C8orf34: variants seen among roughly 807,000 people sequenced by gnomAD.
C8orf34 encodes the protein uncharacterized protein C8orf34.
A neutral mutation model predicts 68.3 loss-of-function variants in C8orf34; 65 were observed. The observed-to-expected ratio is 0.95, with a 90% CI of 0.78 to 1.17. The LOEUF (loss-of-function observed/expected upper bound fraction) is 1.17. Among genes scored for constraint, C8orf34 ranks in the 50% most tolerant of loss-of-function variants. The pLI is 0.00. For missense variants in C8orf34, 664 were observed against 655.4 expected, an observed-to-expected ratio of 1.01 and a Z score of -0.14; for synonymous variants, 244 against 241.2, an observed-to-expected ratio of 1.01 and a Z score of -0.11.
chr8:68,367,747 G>A (rs1296446969), intron 1 of C8orf34, among the ~76,000 whole-genome samples: 14 of 130,094 alleles, frequency 1.1e-4, no homozygotes, highest in African/African-American at 3.7e-4. Flanking sequence ...TGGGGACTGT[G>A]GTGGGGTGGG....
At chr8:68,460,290 G>A (rs1029611895) in intron 3 of C8orf34, among the ~76,000 whole-genome samples, 1 of 152,250 alleles carries the variant, frequency 6.6e-6, no homozygotes, top group South Asian at 2.1e-4. Flanking sequence ...CAGCCAGGAA[G>A]CTCGAACTGC....
intron 10 of C8orf34, among the ~76,000 whole-genome samples, chr8:68,764,795 G>A (rs1001048442): frequency 1.3e-5 from 2 of 152,096 alleles, no homozygotes; most frequent in South Asian, 4.1e-4. Flanking sequence ...TAAGGATGCC[G>A]TCTTACTCCC....
intron 5 of C8orf34, among the ~76,000 whole-genome samples, chr8:68,508,439 A>T (rs1814117580): frequency 6.6e-6 from 1 of 152,202 alleles, no homozygotes. Context: ...GGCTTTTATT[A>T]GTCAACACTC....
chr8:68,749,153 C>T (rs1439767956), intron 10 of C8orf34, among the ~76,000 whole-genome samples: 16 of 151,500 alleles, frequency 1.1e-4, no homozygotes, highest in South Asian at 2.1e-4. Context: ...AACCAAACAC[C>T]GCATATTCTC....
chr8:68,481,326 C>T (rs1392055703), intron 4 of C8orf34, among the ~76,000 whole-genome samples: 3 of 143,974 alleles, frequency 2.1e-5, no homozygotes, highest in Non-Finnish European at 4.5e-5. Flanking sequence ...GCAAAGATTG[C>T]TTCCATGGCG....
intron 8 of C8orf34, among the ~76,000 whole-genome samples, chr8:68,692,360 T>A (rs1237523152): frequency 1.3e-5 from 2 of 152,042 alleles, no homozygotes; most frequent in Admixed American, 6.6e-5. Context: ...AATAATAAGT[T>A]TTTTGTAATA....
At chr8:68,444,307 C>T (rs918700049) in intron 2 of C8orf34, among the ~76,000 whole-genome samples, 2 of 152,052 alleles carry the variant, frequency 1.3e-5, no homozygotes, top group Non-Finnish European at 2.9e-5. Flanking sequence ...TATCTCCTCT[C>T]TAATTTCTTT....
In C8orf34 at chr8:68,620,664, CA is replaced by C. The variant is rs34609291; in HGVS notation, c.1106-19700del. On this transcript the variant is annotated intron_variant, in intron 7 of 13. Coordinates refer to ENST00000518698, the MANE Select transcript of C8orf34 (RefSeq NM_052958.4). ...AACCTAAATTCAACTATATCTGTGT[CA>C]AAAAAAAAAAAGACTAAGTTTACTG... Among the ~76,000 whole-genome samples the C allele has an allele frequency of 6.5e-3, 829 of 128,202 alleles. 3 individuals are homozygous for C. Among genetic ancestry groups the C allele is most frequent in the African/African-American group, 0.021 (669 of 32,358 alleles). 84.1% of individuals were successfully genotyped at this position (128,202 alleles called of 152,430 possible). A position where few individuals can be genotyped will look rare whatever the true frequency, so the allele number is the denominator to read the frequency against.
At chr8:68,464,468 C>T (rs1812010435) in intron 3 of C8orf34, among the ~76,000 whole-genome samples, 1 of 151,526 alleles carries the variant, frequency 6.6e-6, no homozygotes, top group Non-Finnish European at 1.5e-5. Flanking sequence ...TCATATGGAA[C>T]CAAAAAAGAG....
At chr8:68,469,574 C>T (rs1402901667) in intron 4 of C8orf34, among the ~76,000 whole-genome samples, 1 of 151,994 alleles carries the variant, frequency 6.6e-6, no homozygotes, top group Non-Finnish European at 1.5e-5. Flanking sequence ...CATACGTATA[C>T]ACTATATGGT....
At chr8:68,521,714 C>A in intron 5 of C8orf34, 85 bp from the exon 6 acceptor site, 1 of 1,256,350 alleles carries the variant, frequency 8.0e-7, no homozygotes, top group South Asian at 1.6e-5. Context: ...ATTTGACAGT[C>A]AAATATCTAG....
At chr8:68,765,614 G>C (rs1463533046) in intron 10 of C8orf34, among the ~76,000 whole-genome samples, 1 of 152,080 alleles carries the variant, frequency 6.6e-6, no homozygotes. Flanking sequence ...CTTTTTCTTA[G>C]ACGATTGGTT....
At chr8:68,672,483 GA>G (rs1563599767) in intron 8 of C8orf34, among the ~76,000 whole-genome samples, 1 of 152,122 alleles carries the variant, frequency 6.6e-6, no homozygotes, top group Non-Finnish European at 1.5e-5. Flanking sequence ...GAGATTTTGG[GA>G]CTTTGCATTG....
intron 3 of C8orf34, among the ~76,000 whole-genome samples, chr8:68,452,190 G>A (rs771193147): frequency 6.0e-5 from 9 of 151,202 alleles, no homozygotes; most frequent in Non-Finnish European, 1.3e-4. Flanking sequence ...TCATATACAA[G>A]CATTTTTATT....
chr8:68,496,901 C>A (rs149380378), intron 5 of C8orf34, among the ~76,000 whole-genome samples: 2,049 of 152,138 alleles, frequency 0.013, 28 homozygotes, highest in Non-Finnish European at 0.021. Flanking sequence ...ATATTTTGGG[C>A]AGTAGGAAAA....
At chr8:68,357,422 T>C (rs1401214414) in intron 1 of C8orf34, among the ~76,000 whole-genome samples, 1 of 152,166 alleles carries the variant, frequency 6.6e-6, no homozygotes, top group Non-Finnish European at 1.5e-5. Context: ...GGCTAAGACA[T>C]TGAAGTTTGT....
intron 10 of C8orf34, among the ~76,000 whole-genome samples, chr8:68,774,189 G>C (rs1823434320): frequency 6.6e-6 from 1 of 151,948 alleles, no homozygotes; most frequent in African/African-American, 2.4e-5. Context: ...AGCACATAAA[G>C]GACTGACTGG....
In C8orf34 at chr8:68,419,077, G is replaced by A. The variant is rs1395421046; in HGVS notation, c.328-20422G>A. On this transcript the variant is annotated intron_variant, in intron 1 of 13. Coordinates refer to ENST00000518698, the MANE Select transcript of C8orf34 (RefSeq NM_052958.4). ...AAATGGGAGAAAATTTTCGCAACCT[G>A]CTCATCTGACAAAGGGCTAATATCC... 9.0e-4 allele frequency among the ~76,000 whole-genome samples: 137 copies of A among 151,514 alleles called. 1 individual carries two copies. Among genetic ancestry groups the A allele is most frequent in the Non-Finnish European group, 1.4e-3 (96 of 67,788 alleles).
At position 68,495,329 on chromosome 8, in the gene C8orf34, C is replaced by T. The variant is rs186753651; in HGVS notation, c.765+7278C>T. ...TATTTAGTGCATACTAAATTCTAGA[C>T]CTTGGACTAAGCATTTTATATAGAT... On this transcript the variant is annotated intron_variant, in intron 5 of 13. Coordinates refer to ENST00000518698, the MANE Select transcript of C8orf34 (RefSeq NM_052958.4). 3.1e-3 allele frequency among the ~76,000 whole-genome samples: 463 copies of T among 151,718 alleles called. 1 individual carries two copies. The highest frequency in any genetic ancestry group is 4.7e-3 in the Admixed American group (71 of 15,224).
Sources: gnomAD v4.1 joint callset for allele counts (sites outside exome capture counted in the v4.1 genomes callset) on GRCh38, gnomAD v4.1.1 for gene constraint, MANE v1.5 for transcripts, NCBI Gene and HGNC (gene_info 2026-07-23, HGNC 2026-07-21) for gene names.